Variants in RABGAP1L observed in about 807,000 individuals in gnomAD.
RABGAP1L encodes RAB GTPase activating protein 1 like, also known as rab GTPase-activating protein 1-like.
A neutral mutation model predicts 137.7 loss-of-function variants in RABGAP1L; 63 were observed. The ratio of observed to expected loss-of-function variants is 0.46; its 90% CI spans 0.37 to 0.56. RABGAP1L has a LOEUF of 0.56. Among genes scored for constraint, RABGAP1L ranks in the 20% least tolerant of loss-of-function variants. The probability of loss-of-function intolerance (pLI) is 0.00; values close to 1 mark genes in which losing one functional copy is unlikely to be tolerated. For synonymous variants in RABGAP1L, 431 were observed against 433.7 expected (o/e 0.99, Z 0.08); for missense variants, 1,095 against 1,244.0 (o/e 0.88, Z 1.80).
chr1:174,267,234 T>C (rs1215961603), intron 7 of RABGAP1L, among the ~76,000 whole-genome samples: 1 of 152,190 alleles, frequency 6.6e-6, no homozygotes, highest in Non-Finnish European at 1.5e-5. Flanking sequence ...GGGAGAAATA[T>C]GACATAAAGC....
At chr1:174,859,377 G>A (rs1649854285) in intron 19 of RABGAP1L, among the ~76,000 whole-genome samples, 1 of 151,686 alleles carries the variant, frequency 6.6e-6, no homozygotes, top group Non-Finnish European at 1.5e-5. Flanking sequence ...CAGCTACTCG[G>A]GAGGCTGAGG....
Position 174,625,063 on chromosome 1 carries a change from G to A in RABGAP1L, c.1711-12312G>A, listed in dbSNP as rs150692436. ...ATTTTTGTATTTTTTTAGTAGAGAC[G>A]GGGTTTCACCATCTTGGCCAGGCTG... On this transcript the variant is annotated intron_variant, in intron 13 of 25. Transcript: ENST00000681986. 1.0e-3 allele frequency among the ~76,000 whole-genome samples: 157 copies of A among 151,854 alleles called. 2 individuals carry two copies. The highest frequency in any genetic ancestry group is 3.6e-3 in the African/African-American group (149 of 41,452).
chr1:174,474,010 T>C (rs969996151), intron 13 of RABGAP1L, among the ~76,000 whole-genome samples: 3 of 152,212 alleles, frequency 2.0e-5, no homozygotes, highest in Non-Finnish European at 2.9e-5. Context: ...TATATAAACA[T>C]AGTGCTTATC....
chr1:174,863,672 T>TA (rs762683129), intron 19 of RABGAP1L, among the ~76,000 whole-genome samples: 1,296 of 119,860 alleles, frequency 0.011, 3 homozygotes, highest in Non-Finnish European at 0.014. Context: ...GACTCCGTCT[T>TA]AAAAAAAAAA....
intron 11 of RABGAP1L, among the ~76,000 whole-genome samples, chr1:174,309,581 A>G (rs182702636): frequency 1.3e-4 from 20 of 152,196 alleles, no homozygotes; most frequent in African/African-American, 4.3e-4. Context: ...GAATTGTGTC[A>G]AATGCTTCTT....
chr1:174,887,820 A>C (rs929914719), intron 19 of RABGAP1L, among the ~76,000 whole-genome samples: 3 of 152,172 alleles, frequency 2.0e-5, no homozygotes, highest in African/African-American at 7.2e-5. Context: ...TGATCACTTG[A>C]AGTCAGGGGT....
At chr1:174,373,162 G>A (rs929173717) in intron 12 of RABGAP1L, among the ~76,000 whole-genome samples, 2 of 152,112 alleles carry the variant, frequency 1.3e-5, no homozygotes, top group Admixed American at 6.6e-5. Context: ...TTTTTAGATG[G>A]TCCTGAGTTA....
intron 11 of RABGAP1L, among the ~76,000 whole-genome samples, chr1:174,326,653 T>TA (rs2148845579): frequency 6.6e-6 from 1 of 152,198 alleles, no homozygotes; most frequent in South Asian, 2.1e-4. Context: ...AAAGAAGCAA[T>TA]AAAAGAAAAT....
intron 19 of RABGAP1L, among the ~76,000 whole-genome samples, chr1:174,895,684 C>T (rs1288679939): frequency 6.6e-6 from 1 of 151,634 alleles, no homozygotes; most frequent in Non-Finnish European, 1.5e-5. Flanking sequence ...TGAGTGAGAA[C>T]ATGCGGTGTT....
chr1:174,978,667 C>G, intron 22 of RABGAP1L, 140 bp from the exon 23 acceptor site: 1 of 1,018,470 alleles, frequency 9.8e-7, no homozygotes. Context: ...TATCAAGATG[C>G]AGCTTCCATG....
intron 5 of RABGAP1L, chr1:174,243,100 G>A (rs1361387445): frequency 1.3e-5 from 2 of 152,070 alleles, no homozygotes; most frequent in African/African-American, 4.8e-5. Context: ...TTGAAGACCT[G>A]GAAAATCTGC....
chr1:174,294,920 A>ATT (rs796606635), intron 10 of RABGAP1L, among the ~76,000 whole-genome samples: 4 of 146,460 alleles, frequency 2.7e-5, no homozygotes, highest in African/African-American at 7.5e-5. Context: ...GATACATTGA[A>ATT]TTTTTTTTTT....
chr1:174,195,775 C>CTTT (rs1558022015), intron 1 of RABGAP1L, among the ~76,000 whole-genome samples: 5 of 102,470 alleles, frequency 4.9e-5, no homozygotes, highest in African/African-American at 1.1e-4. Flanking sequence ...TTCTCTCTTT[C>CTTT]CTTTCTTTCT....
chr1:174,502,644 ATATG>A (rs1661417372), intron 13 of RABGAP1L, among the ~76,000 whole-genome samples: 1 of 148,946 alleles, frequency 6.7e-6, no homozygotes, highest in Non-Finnish European at 1.5e-5. Flanking sequence ...GTGTGTATAT[ATATG>A]TACATATATA....
chr1:174,440,922 C>T (rs964889117), intron 13 of RABGAP1L, among the ~76,000 whole-genome samples: 1 of 152,028 alleles, frequency 6.6e-6, no homozygotes, highest in African/African-American at 2.4e-5. Flanking sequence ...GCATTGCCTA[C>T]TGTTTATCCT....
chr1:174,425,746 C>T (rs898728443), intron 13 of RABGAP1L, among the ~76,000 whole-genome samples: 1 of 151,936 alleles, frequency 6.6e-6, no homozygotes, highest in Non-Finnish European at 1.5e-5. Context: ...ATTGAAGTTT[C>T]TTTTAACTCT....
At chr1:174,176,582 C>T (rs1665870693) in intron 1 of RABGAP1L, among the ~76,000 whole-genome samples, 1 of 151,350 alleles carries the variant, frequency 6.6e-6, no homozygotes, top group African/African-American at 2.4e-5. Flanking sequence ...CATGGTGGCA[C>T]ATGCCTGTAG....
chr1:174,754,482 CTTTTG>C (rs1406234381), intron 18 of RABGAP1L, among the ~76,000 whole-genome samples: 3 of 150,530 alleles, frequency 2.0e-5, no homozygotes, highest in African/African-American at 7.3e-5. Context: ...GTTTTTTTTT[CTTTTG>C]TTTTGTTTTG....
chr1:174,962,664 C>T (rs1669265100), intron 20 of RABGAP1L, among the ~76,000 whole-genome samples: 1 of 152,174 alleles, frequency 6.6e-6, no homozygotes, highest in African/African-American at 2.4e-5. Flanking sequence ...GTAATTTTCA[C>T]ATTTCTTTTA....
Sources: gnomAD v4.1 joint callset for allele counts (sites outside exome capture counted in the v4.1 genomes callset) on GRCh38, gnomAD v4.1.1 for gene constraint, MANE v1.5 for transcripts, NCBI Gene and HGNC (gene_info 2026-07-23, HGNC 2026-07-21) for gene names.